Variants in PID1 observed in about 807,000 individuals in gnomAD.
PID1 encodes the protein PTB-containing, cubilin and LRP1-interacting protein.
Under a neutral mutation model 19.1 loss-of-function variants are expected in PID1, and 10 were observed. The ratio of observed to expected loss-of-function variants is 0.52; its 90% CI spans 0.32 to 0.89. The LOEUF (loss-of-function observed/expected upper bound fraction) is 0.89, where lower values mean the gene tolerates loss of function less well. Ranked by LOEUF, PID1 falls within the 40% of genes least tolerant of loss-of-function variation. PID1 has a pLI of 0.03. For synonymous variants in PID1, 130 were observed against 116.0 expected (o/e 1.12, Z -0.78); for missense variants, 248 against 285.3 (o/e 0.87, Z 0.94).
intron 1 of PID1, among the ~76,000 whole-genome samples, chr2:229,231,077 C>T (rs1692196006): frequency 6.6e-6 from 1 of 152,124 alleles, no homozygotes; most frequent in African/African-American, 2.4e-5. Flanking sequence ...TCGCCCCAGC[C>T]AGTGTCCCAG....
intron 2 of PID1, among the ~76,000 whole-genome samples, chr2:229,126,969 C>A (rs1297214933): frequency 6.6e-6 from 1 of 152,226 alleles, no homozygotes; most frequent in South Asian, 2.1e-4. Flanking sequence ...ACCAAGGCTT[C>A]TCCCAGTCTG....
intron 1 of PID1, among the ~76,000 whole-genome samples, chr2:229,230,112 T>TCTCTA (rs1455441215): frequency 6.6e-6 from 1 of 152,220 alleles, no homozygotes; most frequent in Admixed American, 6.5e-5. Context: ...CTTATACACT[T>TCTCTA]CTCTAATTGT....
intron 1 of PID1, among the ~76,000 whole-genome samples, chr2:229,182,796 C>G (rs1316737723): frequency 6.6e-6 from 1 of 152,202 alleles, no homozygotes; most frequent in African/African-American, 2.4e-5. Context: ...ATGCCCAGGT[C>G]TGGGGAAATC....
At position 229,234,027 on chromosome 2, in the gene PID1, G is replaced by A. The variant is rs116184111; in HGVS notation, c.30+36987C>T. On this transcript the variant is annotated intron_variant, in intron 1 of 2. Coordinates refer to ENST00000392055, the MANE Select transcript of PID1 (RefSeq NM_001100818.2). The stretch of plus-strand genomic sequence containing the variant: ...AAATAATGTATAATCCCTGATAAAT[G>A]TGTTGAACACCATATGCCAAAGATG... 8.6e-3 allele frequency among the ~76,000 whole-genome samples: 1,312 copies of A among 152,266 alleles called. 19 individuals carry two copies. Among genetic ancestry groups the A allele is most frequent in the African/African-American group, 0.03 (1,246 of 41,532 alleles).
At chr2:229,221,114 G>T (rs2106258484) in intron 1 of PID1, among the ~76,000 whole-genome samples, 1 of 152,260 alleles carries the variant, frequency 6.6e-6, no homozygotes, top group Non-Finnish European at 1.5e-5. Flanking sequence ...TTAGAGAACA[G>T]ATATGTTAGC....
rs1559251424 is a variant in PID1, at chr2:229,139,041, GAAAGAAAGAAAGAA to G, written c.177+16763_177+16776del. 1.7e-3 allele frequency among the ~76,000 whole-genome samples: 86 copies of G among 51,126 alleles called. 3 individuals are homozygous for G. The highest frequency in any genetic ancestry group is 3.0e-3 in the Non-Finnish European group (68 of 22,318). 33.5% of individuals were successfully genotyped at this position (51,126 alleles called of 152,430 possible). A position where few individuals can be genotyped will look rare whatever the true frequency, so the allele number is the denominator to read the frequency against. On this transcript the variant is annotated intron_variant, in intron 2 of 2. Transcript: ENST00000392055. The stretch of plus-strand genomic sequence containing the variant: ...AAAGAAAGAAAGAAAGAAAGAAAGA[GAAAGAAAGAAAGAA>G]AGAGAAAGAAAGAAAGAAAGAAAGA...
intron 2 of PID1, among the ~76,000 whole-genome samples, chr2:229,128,788 T>C (rs999000165): frequency 6.6e-6 from 1 of 152,186 alleles, no homozygotes; most frequent in African/African-American, 2.4e-5. Context: ...AATAAATTAA[T>C]GGGTAAAAAA....
chr2:229,163,735 T>TACAC (rs916692390), intron 1 of PID1, among the ~76,000 whole-genome samples: 1 of 151,632 alleles, frequency 6.6e-6, no homozygotes, highest in Non-Finnish European at 1.5e-5. Context: ...TGACTTGAAA[T>TACAC]ACACACACAC....
intron 2 of PID1, among the ~76,000 whole-genome samples, chr2:229,136,830 T>C (rs1415292222): frequency 3.3e-5 from 5 of 152,164 alleles, no homozygotes; most frequent in East Asian, 3.9e-4. Flanking sequence ...ACAGCCGTAA[T>C]GGACAACAGC....
chr2:229,269,554 A>G (rs569109737), intron 1 of PID1, among the ~76,000 whole-genome samples: 1 of 152,342 alleles, frequency 6.6e-6, no homozygotes, highest in African/African-American at 2.4e-5. Flanking sequence ...TACCCTCTGC[A>G]CTTGAACAGG....
intron 2 of PID1, among the ~76,000 whole-genome samples, chr2:229,085,500 G>A (rs1390015037): frequency 2.0e-5 from 3 of 152,130 alleles, no homozygotes; most frequent in African/African-American, 7.2e-5. Flanking sequence ...TGAGAGAGCT[G>A]GCTGGCTAAT....
At chr2:229,213,926 T>C (rs1012378569) in intron 1 of PID1, among the ~76,000 whole-genome samples, 1 of 152,176 alleles carries the variant, frequency 6.6e-6, no homozygotes, top group African/African-American at 2.4e-5. Flanking sequence ...TCAGAGTGCA[T>C]CAGAAATACA....
At chr2:229,062,122 T>C (rs13408274) in intron 2 of PID1, among the ~76,000 whole-genome samples, 10,623 of 152,022 alleles carry the variant, frequency 0.07, 1,248 homozygotes, top group African/African-American at 0.24. Context: ...CTTTCAATAC[T>C]ATGCTGAGTA....
At chr2:229,148,236 T>C (rs1213203587) in intron 2 of PID1, among the ~76,000 whole-genome samples, 1 of 152,188 alleles carries the variant, frequency 6.6e-6, no homozygotes, top group Non-Finnish European at 1.5e-5. Context: ...CAGTATAGAA[T>C]TCGAAGTTGT....
chr2:229,045,605 T>C (rs567489276), intron 2 of PID1, among the ~76,000 whole-genome samples: 75 of 152,340 alleles, frequency 4.9e-4, no homozygotes, highest in Non-Finnish European at 7.1e-4. Flanking sequence ...TGCACAAAAC[T>C]TGTGAACATT....
chr2:229,183,984 GTA>G lies in PID1; in HGVS notation c.31-28022_31-28021del. On this transcript the variant is annotated intron_variant, in intron 1 of 2. Coordinates refer to ENST00000392055, the MANE Select transcript of PID1 (RefSeq NM_001100818.2). ...TATATCCCATATATATATCCCATAT[GTA>G]TGTATATATCCCATATATATATCCC... Among the ~76,000 whole-genome samples the G allele has an allele frequency of 2.1e-3, 2 of 970 alleles. 1 individual carries two copies. Among genetic ancestry groups the G allele is most frequent in the Non-Finnish European group, 4.6e-3 (2 of 438 alleles). 0.6% of individuals were successfully genotyped at this position (970 alleles called of 152,430 possible).
intron 1 of PID1, among the ~76,000 whole-genome samples, chr2:229,269,866 C>G (rs1393465764): frequency 6.6e-6 from 1 of 152,176 alleles, no homozygotes; most frequent in Non-Finnish European, 1.5e-5. Context: ...GAACACACTC[C>G]CCGCAAATCA....
chr2:229,042,423 T>C (rs1008912906), intron 2 of PID1, among the ~76,000 whole-genome samples: 1 of 152,178 alleles, frequency 6.6e-6, no homozygotes. Flanking sequence ...GACTAAGCAA[T>C]GTTCATATCC....
At chr2:229,091,477 A>C (rs1244265132) in intron 2 of PID1, among the ~76,000 whole-genome samples, 2 of 152,134 alleles carry the variant, frequency 1.3e-5, no homozygotes, top group East Asian at 3.9e-4. Context: ...CTAACCCCCG[A>C]AGTGACGGTA....
Sources: gnomAD v4.1 joint callset for allele counts (sites outside exome capture counted in the v4.1 genomes callset) on GRCh38, gnomAD v4.1.1 for gene constraint, MANE v1.5 for transcripts, NCBI Gene and HGNC (gene_info 2026-07-23, HGNC 2026-07-21) for gene names.